Variants in SPMIP2 observed in about 807,000 individuals in gnomAD.
The protein encoded by SPMIP2 is sperm microtubule inner protein 2.
At chr4:158,931,863 A>G in the SPMIP2 span, among the ~76,000 whole-genome samples, 2 of 151,996 alleles carry the variant, frequency 1.3e-5, no homozygotes, top group Non-Finnish European at 2.9e-5. Context: ...GCATCCAGCA[A>G]CTCCAGAATT....
At chr4:159,019,293 T>C in the SPMIP2 span, among the ~76,000 whole-genome samples, 1 of 12,712 alleles carries the variant, frequency 7.9e-5, no homozygotes, top group African/African-American at 2.9e-4. Context: ...TGAGACTCCG[T>C]CTCAAAAAAA....
chr4:158,969,751 C>T, the SPMIP2 span, among the ~76,000 whole-genome samples: 7 of 152,270 alleles, frequency 4.6e-5, no homozygotes, highest in South Asian at 4.1e-4. Flanking sequence ...CATCCTTAAC[C>T]GCCAGTCTTA....
At chr4:158,915,344 A>G in the SPMIP2 span, 2 of 1,611,636 alleles carry the variant, frequency 1.2e-6, no homozygotes, top group Non-Finnish European at 8.5e-7. Flanking sequence ...TATCCAGGAC[A>G]TGAGGTTTTG....
the SPMIP2 span, among the ~76,000 whole-genome samples, chr4:158,914,876 T>G: frequency 6.6e-6 from 1 of 152,206 alleles, no homozygotes; most frequent in Non-Finnish European, 1.5e-5. Flanking sequence ...AAACGGTGCT[T>G]TCTCAGCTCT....
At chr4:159,033,771 C>T in the SPMIP2 span, among the ~76,000 whole-genome samples, 3 of 151,840 alleles carry the variant, frequency 2.0e-5, no homozygotes, top group Admixed American at 2.0e-4. Context: ...ATGAGCAACA[C>T]AAATCATAAA....
At chr4:159,055,634 C>T in the SPMIP2 span, among the ~76,000 whole-genome samples, 1 of 152,028 alleles carries the variant, frequency 6.6e-6, no homozygotes. Context: ...CACTTGAGCC[C>T]AGGAAGTTGA....
the SPMIP2 span, among the ~76,000 whole-genome samples, chr4:158,944,543 T>C: frequency 1.3e-5 from 2 of 152,178 alleles, no homozygotes; most frequent in African/African-American, 2.4e-5. Context: ...CTAAAAATGA[T>C]GGCAGAAAGA....
At chr4:159,007,866 A>T in the SPMIP2 span, 1 of 525,376 alleles carries the variant, frequency 1.9e-6, no homozygotes, top group Non-Finnish European at 3.8e-6. Flanking sequence ...TAAATGACCT[A>T]TATGTTGTGT....
the SPMIP2 span, among the ~76,000 whole-genome samples, chr4:158,957,660 A>C: frequency 6.6e-6 from 1 of 152,140 alleles, no homozygotes; most frequent in Non-Finnish European, 1.5e-5. Context: ...TCTTGACCTC[A>C]AGTGATCACC....
chr4:158,916,514 T>C, the SPMIP2 span, among the ~76,000 whole-genome samples: 4 of 152,184 alleles, frequency 2.6e-5, no homozygotes, highest in African/African-American at 9.6e-5. Flanking sequence ...GACCCTCCCC[T>C]GACATCCCAT....
the SPMIP2 span, among the ~76,000 whole-genome samples, chr4:159,065,659 G>A: frequency 6.6e-6 from 1 of 152,180 alleles, no homozygotes; most frequent in Non-Finnish European, 1.5e-5. Flanking sequence ...TCAGAATAAG[G>A]TAGTTGCCAT....
At chr4:158,931,537 A>C in the SPMIP2 span, among the ~76,000 whole-genome samples, 1 of 151,498 alleles carries the variant, frequency 6.6e-6, no homozygotes, top group Non-Finnish European at 1.5e-5. Context: ...GATAATAGGC[A>C]TGAGCCACCA....
chr4:158,993,197 C>CA, the SPMIP2 span, among the ~76,000 whole-genome samples: 43 of 149,596 alleles, frequency 2.9e-4, no homozygotes, highest in Admixed American at 3.3e-4. Context: ...CCTGTCTCTA[C>CA]AAAAAAAAAA....
the SPMIP2 span, among the ~76,000 whole-genome samples, chr4:158,970,020 A>G: frequency 2.0e-5 from 3 of 152,216 alleles, no homozygotes; most frequent in Non-Finnish European, 4.4e-5. Flanking sequence ...ACATTTCTCA[A>G]AGTGACACCA....
At chr4:159,018,417 G>C in the SPMIP2 span, among the ~76,000 whole-genome samples, 1 of 152,152 alleles carries the variant, frequency 6.6e-6, no homozygotes, top group African/African-American at 2.4e-5. Context: ...GACACAGTAC[G>C]AACCTGCCAC....
At chr4:159,007,455 G>A in the SPMIP2 span, 1 of 684,232 alleles carries the variant, frequency 1.5e-6, no homozygotes, top group South Asian at 1.4e-5. Context: ...GGAGTCTGTA[G>A]TCTCAAAGAG....
chr4:158,977,597 G>GTT, the SPMIP2 span, among the ~76,000 whole-genome samples: 2 of 74,598 alleles, frequency 2.7e-5, no homozygotes, highest in African/African-American at 4.6e-5. Context: ...ATCTCCTTCA[G>GTT]TTCTTTTTTT....
At chr4:159,066,702 C>A in the SPMIP2 span, among the ~76,000 whole-genome samples, 1 of 150,706 alleles carries the variant, frequency 6.6e-6, no homozygotes, top group Non-Finnish European at 1.5e-5. Flanking sequence ...CAGTTTGGAC[C>A]CTCTGTGGAA....
the SPMIP2 span, among the ~76,000 whole-genome samples, chr4:158,955,439 C>T: frequency 1.3e-5 from 2 of 152,178 alleles, no homozygotes; most frequent in African/African-American, 4.8e-5. Flanking sequence ...GAGTCTCACT[C>T]TGTCACCCAG....
Sources: gnomAD v4.1 joint callset for allele counts (sites outside exome capture counted in the v4.1 genomes callset) on GRCh38, gnomAD v4.1.1 for gene constraint, MANE v1.5 for transcripts, NCBI Gene and HGNC (gene_info 2026-07-23, HGNC 2026-07-21) for gene names.